Variants in DOCK9 observed in about 807,000 individuals in gnomAD.
The protein encoded by DOCK9 is dedicator of cytokinesis 9.
Under a neutral mutation model 263.3 loss-of-function variants are expected in DOCK9, and 89 were observed. That is an observed-to-expected ratio of 0.34 (90% CI 0.28 to 0.40). The LOEUF (loss-of-function observed/expected upper bound fraction) is 0.40, where lower values mean the gene tolerates loss of function less well. Among genes scored for constraint, DOCK9 ranks in the 10% least tolerant of loss-of-function variants. DOCK9 has a pLI of 1.00. For missense variants in DOCK9, 2,140 were observed against 2,603.4 expected (o/e 0.82, Z 3.87); for synonymous variants, 976 against 973.1 (o/e 1.00, Z -0.06).
At chr13:98,938,637 T>A (rs1251774392) in intron 2 of DOCK9, among the ~76,000 whole-genome samples, 1 of 152,204 alleles carries the variant, frequency 6.6e-6, no homozygotes, top group Non-Finnish European at 1.5e-5. Context: ...CTATGTAGAT[T>A]TAAATAAATA....
At chr13:98,866,401 T>C (rs2094025066) in intron 30 of DOCK9, among the ~76,000 whole-genome samples, 1 of 152,182 alleles carries the variant, frequency 6.6e-6, no homozygotes, top group African/African-American at 2.4e-5. Flanking sequence ...ACCAGTCTGT[T>C]TGGGGGAAAC....
chr13:99,047,824 T>C (rs983653678), intron 1 of DOCK9, among the ~76,000 whole-genome samples: 28 of 152,044 alleles, frequency 1.8e-4, no homozygotes, highest in African/African-American at 6.5e-4. Flanking sequence ...CGCCTGGCCC[T>C]AATCTTGAAG....
intron 1 of DOCK9, among the ~76,000 whole-genome samples, chr13:98,958,147 T>C (rs1402553310): frequency 6.6e-6 from 1 of 152,250 alleles, no homozygotes; most frequent in Non-Finnish European, 1.5e-5. Flanking sequence ...TTTTGGGCTT[T>C]GTTCCTACAG....
intron 47 of DOCK9, 93 bp downstream of exon 47, chr13:98,809,259 A>G (rs2091045927): frequency 1.6e-6 from 2 of 1,277,976 alleles, no homozygotes; most frequent in South Asian, 2.8e-5. Flanking sequence ...GAGAATTTAT[A>G]AGATATAACT....
At chr13:98,831,906 C>T in intron 39 of DOCK9, 120 bp from the exon 40 acceptor site, 1 of 1,225,648 alleles carries the variant, frequency 8.2e-7, no homozygotes, top group Admixed American at 2.5e-5. Flanking sequence ...TTTAAACAAA[C>T]TCTGCCTTGA....
chr13:98,801,971 A>G (rs1289006683), intron 49 of DOCK9, among the ~76,000 whole-genome samples: 1 of 152,222 alleles, frequency 6.6e-6, no homozygotes, highest in East Asian at 1.9e-4. Flanking sequence ...TTGGTTTCAC[A>G]GATTTTAAGT....
Position 98,915,451 on chromosome 13 carries a change from CT to C in DOCK9, c.769del (p.Ser257ValfsTer19). The C allele has an allele frequency of 6.2e-7, 1 of 1,613,942 alleles. No homozygotes were observed. Among genetic ancestry groups the C allele is most frequent in the South Asian group, 1.1e-5 (1 of 91,066 alleles). ...AFELKMQDKS[S>X]YLLAADSEVE... The stretch of plus-strand genomic sequence containing the variant: ...TTCACTGTCTGCTGCCAAGAGATAA[CT>C]ACTTTTGTCCTGCATCTTGAGCTCA... On this transcript the variant is annotated frameshift_variant, in exon 8 of 53. Coordinates refer to ENST00000682017, the MANE Select transcript of DOCK9 (RefSeq NM_001366683.2). LOFTEE classifies it high-confidence loss of function.
intron 1 of DOCK9, among the ~76,000 whole-genome samples, chr13:99,075,604 A>AT (rs2041878156): frequency 6.6e-6 from 1 of 151,340 alleles, no homozygotes; most frequent in South Asian, 2.1e-4. Context: ...GGGCTCAAGC[A>AT]TTGCCCCACC....
At chr13:98,968,545 T>A (rs9517517) in intron 1 of DOCK9, among the ~76,000 whole-genome samples, 1 of 151,956 alleles carries the variant, frequency 6.6e-6, no homozygotes, top group Non-Finnish European at 1.5e-5. Flanking sequence ...GCTTGCACCC[T>A]GGAGGCGGGG....
intron 5 of DOCK9, 60 bp from the exon 6 acceptor site, chr13:98,922,206 T>A (rs747717145): frequency 2.4e-4 from 327 of 1,339,012 alleles, no homozygotes; most frequent in Non-Finnish European, 3.2e-4. Context: ...TTGCTTGCTG[T>A]GAGTTTGGTC....
Position 98,837,496 on chromosome 13 carries a change from TA to T in DOCK9, c.4311del (p.Phe1437LeufsTer15). 1 of 1,609,144 alleles carries T rather than the reference TA, an allele frequency of 6.2e-7. No individual in the cohort carries two copies. The highest frequency in any genetic ancestry group is 8.5e-7 in the Non-Finnish European group (1 of 1,175,962). On this transcript the variant is annotated frameshift_variant, in exon 39 of 53. Coordinates refer to ENST00000682017, the MANE Select transcript of DOCK9 (RefSeq NM_001366683.2). LOFTEE classifies it high-confidence loss of function. The part of the protein sequence containing the change: ...LDTLSLFTLA[F>X]KNQLLADHGH... ...ACGAACAGCAAATTGATACAAACCT[TA>T]AACGCCAATGTAAATAGAGAAAGCG...
intron 1 of DOCK9, among the ~76,000 whole-genome samples, chr13:99,077,704 C>T (rs1385861258): frequency 6.6e-6 from 1 of 152,154 alleles, no homozygotes; most frequent in Non-Finnish European, 1.5e-5. Context: ...CTTGCAGACA[C>T]ATAGAAAGGA....
At chr13:99,046,054 T>C (rs1201764850) in intron 1 of DOCK9, among the ~76,000 whole-genome samples, 2 of 151,516 alleles carry the variant, frequency 1.3e-5, no homozygotes, top group African/African-American at 2.4e-5. Context: ...TAAGCTGAGA[T>C]TGTGCCACTG....
Position 99,005,363 on chromosome 13 carries a change from T to C in DOCK9, c.130-49812A>G, listed in dbSNP as rs536002868. On this transcript the variant is annotated intron_variant, in intron 1 of 32. Coordinates refer to the DOCK9 transcript ENST00000427887. ...ATCTTTAAATTATAGAATTTATGTC[T>C]CTCCCCAAATTTCTTGTTTTCATTT... Among the ~76,000 whole-genome samples the C allele has an allele frequency of 2.6e-5, 4 of 152,290 alleles. No homozygotes were observed. The East Asian group carries it at 5.8e-4, about 22-fold the overall frequency.
intron 1 of DOCK9, among the ~76,000 whole-genome samples, chr13:99,085,846 A>C: frequency 4.3e-5 from 1 of 23,384 alleles, no homozygotes. Flanking sequence ...AGGCCGGGGG[A>C]GGGATACGGG....
intron 18 of DOCK9, among the ~76,000 whole-genome samples, chr13:98,887,894 C>T (rs2046029683): frequency 6.6e-6 from 1 of 151,990 alleles, no homozygotes; most frequent in African/African-American, 2.4e-5. Flanking sequence ...CATAGGTGAA[C>T]AGTAAGTGTT....
intron 1 of DOCK9, among the ~76,000 whole-genome samples, chr13:99,009,507 A>G (rs962732461): frequency 6.6e-6 from 1 of 152,176 alleles, no homozygotes; most frequent in Non-Finnish European, 1.5e-5. Flanking sequence ...GATAAAACCG[A>G]TATAAATGTA....
intron 48 of DOCK9, among the ~76,000 whole-genome samples, chr13:98,806,136 T>C (rs1371324930): frequency 6.6e-6 from 1 of 152,242 alleles, no homozygotes; most frequent in African/African-American, 2.4e-5. Flanking sequence ...GGAATAATGT[T>C]TGGAAGCTAG....
rs116865011 is a variant in DOCK9 at position 98,973,258 on chromosome 13, T to C, written c.126+4526A>G. On this transcript the variant is annotated intron_variant, in intron 1 of 52. Transcript: ENST00000682017. ...TCAATCACAGTCACCTAAAGTCTAA[T>C]TGAAAATTAACAACATGATCATTGC... 1.3e-3 allele frequency among the ~76,000 whole-genome samples: 198 copies of C among 152,354 alleles called. 1 individual carries two copies. The highest frequency in any genetic ancestry group is 3.4e-3 in the Middle Eastern group (1 of 294).
Sources: allele counts gnomAD v4.1 joint callset (sites outside exome capture counted in the v4.1 genomes callset), GRCh38; gene constraint gnomAD v4.1.1; transcripts MANE v1.5; gene names NCBI Gene and HGNC (gene_info 2026-07-23, HGNC 2026-07-21).